ZNF678: variants seen among roughly 807,000 people sequenced by gnomAD.
ZNF678 encodes the protein zinc finger protein 678, also known as hypothetical protein MGC42493.
Under a neutral mutation model 3.0 loss-of-function variants are expected in ZNF678, and 5 were observed. The observed-to-expected ratio is 1.69, with a 90% CI of 0.88 to 3.56. The LOEUF is 3.56. Among genes scored for constraint, ZNF678 ranks in the 30% most tolerant of loss-of-function variants. The pLI, the probability that ZNF678 is intolerant of heterozygous loss-of-function variation, is 0.00. For missense variants in ZNF678, 593 were observed against 605.0 expected, an observed-to-expected ratio of 0.98 and a Z score of 0.21; for synonymous variants, 218 against 199.6, an observed-to-expected ratio of 1.09 and a Z score of -0.78.
chr1:227,609,713 A>T (rs1267381563), intron 1 of ZNF678, among the ~76,000 whole-genome samples: 1 of 152,136 alleles, frequency 6.6e-6, no homozygotes, highest in Non-Finnish European at 1.5e-5. Context: ...ATCTTTGAAA[A>T]TGGAACACCA....
chr1:227,665,548 C>T (rs1363946006), downstream of ZNF678, among the ~76,000 whole-genome samples: 3 of 152,164 alleles, frequency 2.0e-5, no homozygotes, highest in Non-Finnish European at 2.9e-5. Context: ...AGGTTGTACA[C>T]TTACCTGGCA....
chr1:227,588,177 G>A (rs1657311591), intron 1 of ZNF678, among the ~76,000 whole-genome samples: 2 of 152,032 alleles, frequency 1.3e-5, no homozygotes, highest in African/African-American at 4.8e-5. Context: ...CCTTTTTATG[G>A]CTGCATAGTA....
At chr1:227,594,505 G>A (rs1657509663) in intron 1 of ZNF678, among the ~76,000 whole-genome samples, 1 of 152,146 alleles carries the variant, frequency 6.6e-6, no homozygotes, top group Admixed American at 6.5e-5. Context: ...ACTTTAGCCA[G>A]TGTTTACACA....
At chr1:227,676,526 TTTA>T (rs1659682528) in intron 5 of ZNF678, among the ~76,000 whole-genome samples, 1 of 152,204 alleles carries the variant, frequency 6.6e-6, no homozygotes, top group Admixed American at 6.5e-5. Context: ...TTTTTTTAAT[TTTA>T]TTATTATTAT....
chr1:227,593,624 A>G (rs1160340007), intron 1 of ZNF678, among the ~76,000 whole-genome samples: 1 of 152,198 alleles, frequency 6.6e-6, no homozygotes, highest in Non-Finnish European at 1.5e-5. Context: ...TTGACTTGCA[A>G]GTCTCCACAG....
In ZNF678 at chr1:227,654,471, A is replaced by G. The variant is rs768902453; in HGVS notation, c.221A>G (p.Asn74Ser). ...LHLVKDWRTV[N>S]EGKGQKEYCN... is the part of the protein sequence containing the mutation. ...TTAGTGAAAGACTGGAGAACTGTGA[A>G]TGAAGGTAAGGGGCAGAAAGAATAT... Residue 74 changes from asparagine to serine, a missense_variant, in exon 4 of 4, where the codon AAT becomes AGT. Transcript: ENST00000343776. The G allele has an allele frequency of 6.2e-6, 10 of 1,613,312 alleles. No homozygotes were observed. The Admixed American group carries it at 1.5e-4, about 24-fold the overall frequency.
At chr1:227,630,962 TG>T (rs1183448644) in intron 1 of ZNF678, among the ~76,000 whole-genome samples, 1 of 150,396 alleles carries the variant, frequency 6.6e-6, no homozygotes, top group Non-Finnish European at 1.5e-5. Flanking sequence ...AGCTGTAAGA[TG>T]GTGTTACAAT....
At chr1:227,571,833 G>A (rs891371278) in intron 1 of ZNF678, among the ~76,000 whole-genome samples, 4 of 152,186 alleles carry the variant, frequency 2.6e-5, no homozygotes, top group Non-Finnish European at 5.9e-5. Context: ...ACAAGGTCAG[G>A]AGATCGAGAC....
intron 1 of ZNF678, among the ~76,000 whole-genome samples, chr1:227,588,007 C>G (rs1027413475): frequency 4.6e-5 from 7 of 152,010 alleles, no homozygotes; most frequent in African/African-American, 1.7e-4. Context: ...AACAGGTGCC[C>G]AGTGTGTGTT....
At chr1:227,574,432 C>G (rs1299720021) in intron 1 of ZNF678, among the ~76,000 whole-genome samples, 1 of 152,158 alleles carries the variant, frequency 6.6e-6, no homozygotes, top group East Asian at 1.9e-4. Flanking sequence ...TTATGTTGAG[C>G]ATTTTGAAAT....
exon 6 of ZNF678, chr1:227,677,324 A>G (rs1659702152): frequency 6.6e-6 from 1 of 152,216 alleles, no homozygotes; most frequent in South Asian, 2.1e-4. Context: ...CCTGACCACT[A>G]AGATGGCTGG....
At chr1:227,674,698 G>A (rs1558165474) in intron 5 of ZNF678, among the ~76,000 whole-genome samples, 2 of 151,448 alleles carry the variant, frequency 1.3e-5, no homozygotes, top group African/African-American at 2.4e-5. Flanking sequence ...TGCCTCCCGG[G>A]TTCAAGCGAT....
chr1:227,639,719 C>T (rs1007122636), intron 1 of ZNF678, among the ~76,000 whole-genome samples: 1 of 152,186 alleles, frequency 6.6e-6, no homozygotes, highest in Non-Finnish European at 1.5e-5. Flanking sequence ...TGGGGACTGC[C>T]TCTGCACCAG....
intron 3 of ZNF678, among the ~76,000 whole-genome samples, chr1:227,653,181 CT>C (rs1442093365): frequency 6.6e-6 from 1 of 151,994 alleles, no homozygotes; most frequent in Non-Finnish European, 1.5e-5. Flanking sequence ...TCTGTTGCTG[CT>C]TTCAACATCT....
At chr1:227,669,697 A>C (rs1659568542) in intron 5 of ZNF678, among the ~76,000 whole-genome samples, 1 of 152,062 alleles carries the variant, frequency 6.6e-6, no homozygotes, top group Non-Finnish European at 1.5e-5. Flanking sequence ...TATTATCAAA[A>C]ATACAACACA....
chr1:227,598,352 T>C (rs1657648230), intron 1 of ZNF678: 9 of 1,318,840 alleles, frequency 6.8e-6, no homozygotes, highest in Non-Finnish European at 8.8e-6. Context: ...GTAAATATGT[T>C]GTAGTTTTCA....
chr1:227,677,091 C>A (rs999944196), intron 5 of ZNF678: 1 of 152,126 alleles, frequency 6.6e-6, no homozygotes, highest in Non-Finnish European at 1.5e-5. Flanking sequence ...CCTGAGGAAT[C>A]GCCACACTGA....
At chr1:227,569,512 A>G (rs543788331) in intron 1 of ZNF678, among the ~76,000 whole-genome samples, 1 of 152,340 alleles carries the variant, frequency 6.6e-6, no homozygotes, top group East Asian at 1.9e-4. Flanking sequence ...AGCCCAAAGA[A>G]TAGATCTTTC....
rs145943468 is a variant in ZNF678 at position 227,645,526 on chromosome 1, CT to C, written c.-163-1013del. 4.0e-3 allele frequency among the ~76,000 whole-genome samples: 613 copies of C among 152,248 alleles called. 5 individuals are homozygous for C. The highest frequency in any genetic ancestry group is 0.014 in the African/African-American group (566 of 41,538). On this transcript the variant is annotated intron_variant, in intron 1 of 3. Coordinates refer to ENST00000343776, the MANE Select transcript of ZNF678 (RefSeq NM_001367909.1). ...TATCAATGTTTTATATCCATTCAGG[CT>C]TTTTAAGTGCCATAAGCAATCTTTA...
Sources: allele counts gnomAD v4.1 joint callset (sites outside exome capture counted in the v4.1 genomes callset), GRCh38; gene constraint gnomAD v4.1.1; transcripts MANE v1.5; gene names NCBI Gene and HGNC (gene_info 2026-07-23, HGNC 2026-07-21).